Variants in AVEN observed in about 807,000 individuals in gnomAD.
AVEN encodes the protein cell death regulator Aven.
A neutral mutation model predicts 38.1 loss-of-function variants in AVEN; 41 were observed. The ratio of observed to expected loss-of-function variants is 1.08; its 90% CI spans 0.84 to 1.40. AVEN has a LOEUF of 1.40. AVEN is among the 40% of genes most tolerant of loss of function. The pLI, the probability that AVEN is intolerant of heterozygous loss-of-function variation, is 0.00. For synonymous variants in AVEN, 206 were observed against 171.8 expected, an observed-to-expected ratio of 1.20 and a Z score of -1.56; for missense variants, 605 against 438.8, an observed-to-expected ratio of 1.38 and a Z score of -3.38.
intron 2 of AVEN, among the ~76,000 whole-genome samples, chr15:33,957,023 C>G (rs1894981856): frequency 6.6e-6 from 1 of 152,076 alleles, no homozygotes; most frequent in Non-Finnish European, 1.5e-5. Context: ...TTCAGATAAA[C>G]TAGGAGTAAG....
intron 2 of AVEN, among the ~76,000 whole-genome samples, chr15:34,068,813 AT>A (rs147560221): frequency 2.9e-5 from 4 of 136,494 alleles, no homozygotes; most frequent in African/African-American, 5.5e-5. Flanking sequence ...CTACAATCCA[AT>A]TTTTTTTTTT....
At chr15:33,961,102 G>A (rs1311526398) in intron 2 of AVEN, among the ~76,000 whole-genome samples, 4 of 152,136 alleles carry the variant, frequency 2.6e-5, no homozygotes, top group African/African-American at 9.7e-5. Flanking sequence ...CTGGGTTCAA[G>A]CAATCCTCCT....
intron 1 of AVEN, among the ~76,000 whole-genome samples, chr15:34,035,817 CAG>C (rs1899090729): frequency 2.0e-5 from 3 of 152,178 alleles, no homozygotes; most frequent in South Asian, 2.1e-4. Flanking sequence ...TTATTTGAGA[CAG>C]AGTCTCACTC....
At chr15:33,902,650 G>T (rs906446821) in intron 2 of AVEN, among the ~76,000 whole-genome samples, 5 of 152,084 alleles carry the variant, frequency 3.3e-5, no homozygotes, top group Admixed American at 3.3e-4. Context: ...GATTTTATAC[G>T]TAGAAAACCC....
chr15:33,914,998 A>C (rs1391254029), intron 2 of AVEN, among the ~76,000 whole-genome samples: 1 of 152,196 alleles, frequency 6.6e-6, no homozygotes, highest in East Asian at 1.9e-4. Flanking sequence ...CAGCAGGGAC[A>C]AGATGCATAC....
chr15:33,973,143 A>C (rs1013219714), intron 2 of AVEN, among the ~76,000 whole-genome samples: 2 of 152,352 alleles, frequency 1.3e-5, no homozygotes, highest in East Asian at 3.9e-4. Flanking sequence ...ACTTTTATAG[A>C]CATTGTTTGA....
At chr15:33,876,228 G>C (rs956773457) in intron 2 of AVEN, among the ~76,000 whole-genome samples, 2 of 152,138 alleles carry the variant, frequency 1.3e-5, no homozygotes, top group Non-Finnish European at 2.9e-5. Flanking sequence ...AAGAAAAAAG[G>C]ATAAAATCAC....
intron 1 of AVEN, among the ~76,000 whole-genome samples, chr15:34,034,463 G>GAA (rs1899024912): frequency 6.7e-6 from 1 of 148,924 alleles, no homozygotes; most frequent in Non-Finnish European, 1.5e-5. Context: ...AAAAAAAAAG[G>GAA]AAAAGAAAAA....
chr15:33,853,496 C>T, the AVEN span: 35 of 1,585,876 alleles, frequency 2.2e-5, no homozygotes, highest in African/African-American at 4.7e-4. Context: ...GACCCCAGAG[C>T]TAGAAAATAT....
chr15:33,880,609 G>C (rs1393050140), intron 2 of AVEN, among the ~76,000 whole-genome samples: 4 of 152,110 alleles, frequency 2.6e-5, no homozygotes, highest in African/African-American at 9.7e-5. Flanking sequence ...ACAAGCAAAA[G>C]TAAATCATTT....
chr15:34,000,158 C>T lies in AVEN; in HGVS notation c.445+2874G>A, dbSNP rs77455220. Among the ~76,000 whole-genome samples, 1,506 of 152,262 alleles carry T rather than the reference C, an allele frequency of 9.9e-3. 25 individuals carry two copies. The highest frequency in any genetic ancestry group is 0.044 in the Admixed American group (680 of 15,286). ...TCAAATGTTATATTCTCAGTAAGAC[C>T]CCTGGCTACTTCTAAAACTGGTTAA... is the stretch of plus-strand genomic sequence containing the variant. On this transcript the variant is annotated intron_variant, in intron 2 of 5. Coordinates refer to ENST00000306730, the MANE Select transcript of AVEN (RefSeq NM_020371.3).
At chr15:34,044,799 C>T (rs1447275488) in intron 5 of AVEN, among the ~76,000 whole-genome samples, 1 of 152,152 alleles carries the variant, frequency 6.6e-6, no homozygotes, top group African/African-American at 2.4e-5. Context: ...GCCTGTAATC[C>T]CAGCACTTTG....
chr15:34,016,662 T>C (rs1159015628), intron 1 of AVEN, among the ~76,000 whole-genome samples: 1 of 152,232 alleles, frequency 6.6e-6, no homozygotes, highest in East Asian at 1.9e-4. Context: ...CCTGCTTGTA[T>C]GCTATGGAGT....
chr15:33,853,338 A>C, the AVEN span, among the ~76,000 whole-genome samples: 1 of 152,200 alleles, frequency 6.6e-6, no homozygotes, highest in Non-Finnish European at 1.5e-5. Context: ...CTCCCCTGCA[A>C]ATCAAGATAT....
chr15:33,929,672 G>A (rs1433785853), intron 2 of AVEN, among the ~76,000 whole-genome samples: 6 of 152,152 alleles, frequency 3.9e-5, no homozygotes, highest in Non-Finnish European at 7.4e-5. Context: ...AAAATGGGGG[G>A]AAAATTACTG....
chr15:34,046,524 C>G (rs1469145404), intron 5 of AVEN: 1 of 152,216 alleles, frequency 6.6e-6, no homozygotes, highest in African/African-American at 2.4e-5. Context: ...TGTGAACGAT[C>G]ATTCCCCTTT....
chr15:33,889,208 CT>C (rs1291532742), intron 2 of AVEN, among the ~76,000 whole-genome samples: 2 of 152,088 alleles, frequency 1.3e-5, no homozygotes, highest in Non-Finnish European at 2.9e-5. Context: ...AAATGGGCAT[CT>C]TTTTTGACTG....
intron 2 of AVEN, among the ~76,000 whole-genome samples, chr15:33,959,212 GAATT>G (rs1350534930): frequency 2.6e-5 from 4 of 152,044 alleles, no homozygotes; most frequent in African/African-American, 9.7e-5. Context: ...ACCCAAGGCA[GAATT>G]AATTACTCTC....
upstream of AVEN, among the ~76,000 whole-genome samples, chr15:34,041,754 A>G: frequency 6.6e-6 from 1 of 152,212 alleles, no homozygotes; most frequent in Non-Finnish European, 1.5e-5. Context: ...TCCCTATGAA[A>G]TAAACACTAT....
Sources: gnomAD v4.1 joint callset for allele counts (sites outside exome capture counted in the v4.1 genomes callset) on GRCh38, gnomAD v4.1.1 for gene constraint, MANE v1.5 for transcripts, NCBI Gene and HGNC (gene_info 2026-07-23, HGNC 2026-07-21) for gene names.